The following LPA variants were observed in gnomAD, a reference collection of about 807,000 sequenced individuals.
The protein encoded by LPA is lipoprotein(a).
In LPA, 199 loss-of-function variants were observed where a neutral mutation model predicts 197.9. The ratio of observed to expected loss-of-function variants is 1.01; its 90% CI spans 0.90 to 1.13. LPA has a LOEUF of 1.13. Ranked by LOEUF, LPA falls within the 50% of genes most tolerant of loss-of-function variation. The pLI is 0.00. For missense variants in LPA, 1,853 were observed against 1,785.8 expected (o/e 1.04, Z -0.68); for synonymous variants, 715 against 639.5 (o/e 1.12, Z -1.78).
Position 160,609,286 on chromosome 6 carries a change from T to A in LPA, c.2603+2276A>T, listed in dbSNP as rs150967358. ...TCCAACATGGATGATCTTCAAGGCA[T>A]TTTATTGCTGGATTCAGCATTCTCG... On this transcript the variant is annotated intron_variant, in intron 16 of 38. Coordinates refer to ENST00000316300, the MANE Select transcript of LPA (RefSeq NM_005577.4). 3.2e-4 allele frequency among the ~76,000 whole-genome samples: 49 copies of A among 152,244 alleles called. No individual in the cohort carries two copies. The East Asian group carries it at 8.7e-3, about 27-fold the overall frequency.
At chr6:160,558,208 T>C (rs947798925) in intron 28 of LPA, among the ~76,000 whole-genome samples, 12 of 152,252 alleles carry the variant, frequency 7.9e-5, no homozygotes, top group Non-Finnish European at 1.2e-4. Context: ...TGTGAGCCAC[T>C]GCGCCTGGCC....
chr6:160,586,700 G>A lies in LPA; in HGVS notation c.3948-70C>T, dbSNP rs368057982. The A allele has an allele frequency of 2.4e-5, 39 of 1,606,708 alleles. No individual in the cohort carries two copies. In the East Asian group the frequency reaches 6.5e-4, roughly 27 times the overall value. On this transcript the variant is annotated intron_variant, in intron 24 of 38. Coordinates refer to ENST00000316300, the MANE Select transcript of LPA (RefSeq NM_005577.4). ...TACAGCACCACCTGGCACCCTCTATGTTTTCTTGTAACAAAGTGTAAACAA... is the reference window on the plus strand; with the variant it reads ...TACAGCACCACCTGGCACCCTCTATATTTTCTTGTAACAAAGTGTAAACAA...
chr6:160,658,349 C>T (rs1311472784), intron 1 of LPA, among the ~76,000 whole-genome samples: 1 of 152,186 alleles, frequency 6.6e-6, no homozygotes, highest in African/African-American at 2.4e-5. Flanking sequence ...CAGCTACTCG[C>T]ATGATAACAG....
At position 160,594,113 on chromosome 6, in the gene LPA, T is replaced by C; in HGVS notation, c.3474A>G (p.Pro1158=). 3 of 1,613,860 alleles carry C rather than the reference T, an allele frequency of 1.9e-6. No homozygotes were observed. Among genetic ancestry groups the C allele is most frequent in the South Asian group, 2.2e-5 (2 of 91,070 alleles). ...PSTEASSEEA[P]TEQSPGVQDC... ...CCTGGACCCCGGGGCTTTGCTCCGT[T>C]GGTGCTGAAATTCAAAGAGGAGAAA... is the stretch of plus-strand genomic sequence containing the variant. The change falls in exon 22 of 39, where the codon CCA becomes CCG. Residue 1158 remains proline, a synonymous_variant. Transcript: ENST00000316300.
At chr6:160,538,805 G>A (rs1470894313) in intron 36 of LPA, among the ~76,000 whole-genome samples, 1 of 152,078 alleles carries the variant, frequency 6.6e-6, no homozygotes, top group East Asian at 1.9e-4. Flanking sequence ...GGGGATGTGC[G>A]GTGGGAACTC....
At chr6:160,652,160 G>A (rs924757728) in intron 1 of LPA, among the ~76,000 whole-genome samples, 1 of 150,858 alleles carries the variant, frequency 6.6e-6, no homozygotes, top group African/African-American at 2.4e-5. Flanking sequence ...TAATGGCTAT[G>A]AATTTTACAA....
At chr6:160,576,364 ATACATATATATATATATATATATATG>A (rs1778665237) in intron 28 of LPA, among the ~76,000 whole-genome samples, 2 of 21,154 alleles carry the variant, frequency 9.5e-5, no homozygotes, top group African/African-American at 1.8e-4. Context: ...ATATATATAT[ATACATATATATATATATATATATATG>A]TATATATATA....
At chr6:160,658,220 A>G (rs894710161) in intron 1 of LPA, among the ~76,000 whole-genome samples, 7 of 152,138 alleles carry the variant, frequency 4.6e-5, no homozygotes, top group African/African-American at 1.7e-4. Flanking sequence ...CCTCAGCTTC[A>G]TCAGGGTTCT....
chr6:160,664,170 T>C lies in LPA; in HGVS notation c.45A>G (p.Lys15=). The change falls in exon 1 of 39, where the codon AAA becomes AAG. Residue 15 remains lysine (K), a synonymous_variant. Coordinates refer to ENST00000316300, the MANE Select transcript of LPA (RefSeq NM_005577.4). ...EVVLLLLLFL[K]SAAPEQSHVV... is the part of the protein sequence containing the mutation. ...TTTAAAAAAACTATGTCTTACCTGA[T>C]TTCAGAAATAAAAGAAGTAGAAGAA... 2 of 1,603,922 alleles carry C rather than the reference T, an allele frequency of 1.2e-6. No individual in the cohort carries two copies. The highest frequency in any genetic ancestry group is 1.7e-6 in the Non-Finnish European group (2 of 1,175,370).
chr6:160,581,281 A>C (rs1032166697), intron 26 of LPA, among the ~76,000 whole-genome samples: 3 of 152,048 alleles, frequency 2.0e-5, no homozygotes, highest in African/African-American at 7.2e-5. Context: ...TGTTTTGCCC[A>C]ATACTATGTA....
intron 35 of LPA, 108 bp from the exon 36 acceptor site, chr6:160,540,291 C>A (rs1034815661): frequency 1.4e-5 from 18 of 1,278,828 alleles, no homozygotes; most frequent in Middle Eastern, 2.4e-4. Context: ...CACCCAGAAT[C>A]AGTGACTTAT....
intron 27 of LPA, among the ~76,000 whole-genome samples, chr6:160,578,237 G>A (rs185784912): frequency 6.6e-6 from 1 of 152,206 alleles, no homozygotes; most frequent in Admixed American, 6.5e-5. Context: ...ATCCATTTTG[G>A]CTAGGACACT....
intron 28 of LPA, among the ~76,000 whole-genome samples, chr6:160,566,516 G>A (rs949907769): frequency 1.3e-5 from 2 of 151,984 alleles, no homozygotes; most frequent in African/African-American, 2.4e-5. Flanking sequence ...AGAAACAATC[G>A]GTATCAGCCA....
At chr6:160,561,442 C>A (rs1272623495) in intron 28 of LPA, among the ~76,000 whole-genome samples, 1 of 152,106 alleles carries the variant, frequency 6.6e-6, no homozygotes, top group Admixed American at 6.5e-5. Context: ...GTTTTGGTAC[C>A]AGTACCATAC....
At chr6:160,653,950 TTA>T (rs1554243756) in intron 1 of LPA, among the ~76,000 whole-genome samples, 3 of 40,986 alleles carry the variant, frequency 7.3e-5, no homozygotes, top group Non-Finnish European at 8.7e-5. Context: ...TTTATATATA[TTA>T]TATATAATAT....
chr6:160,597,922 A>G (rs953980674), intron 20 of LPA, among the ~76,000 whole-genome samples: 1 of 152,154 alleles, frequency 6.6e-6, no homozygotes, highest in African/African-American at 2.4e-5. Context: ...AAGAGTGTTG[A>G]GTTTTCTTCT....
rs1351781544 is a variant in LPA, at chr6:160,594,105, T to G, written c.3482A>C (p.Gln1161Pro). The change falls in exon 22 of 39, where the codon CAA becomes CCA. Residue 1161 changes from glutamine (Q) to proline (P), a missense_variant. By Grantham distance (76) the Gln-to-Pro change is moderately conservative. Transcript: ENST00000316300. The stretch of plus-strand genomic sequence containing the variant: ...GTAGCAATCCTGGACCCCGGGGCTT[T>G]GCTCCGTTGGTGCTGAAATTCAAAG... ...EASSEEAPTE[Q>P]SPGVQDCYHG... 6.2e-7 allele frequency: 1 copy of G among 1,613,866 alleles called. No homozygotes were observed. Among genetic ancestry groups the G allele is most frequent in the Non-Finnish European group, 8.5e-7 (1 of 1,179,804 alleles).
At chr6:160,655,120 G>T (rs988234163) in intron 1 of LPA, among the ~76,000 whole-genome samples, 1 of 152,228 alleles carries the variant, frequency 6.6e-6, no homozygotes, top group African/African-American at 2.4e-5. Context: ...TTCATGGCTA[G>T]ATGGGTCAGA....
intron 37 of LPA, among the ~76,000 whole-genome samples, chr6:160,534,709 G>C (rs964040273): frequency 6.6e-6 from 1 of 152,178 alleles, no homozygotes; most frequent in Non-Finnish European, 1.5e-5. Context: ...GCTCCTCCTG[G>C]TCTAGTTGGT....
Sources: gnomAD v4.1 joint callset for allele counts (sites outside exome capture counted in the v4.1 genomes callset) on GRCh38, gnomAD v4.1.1 for gene constraint, MANE v1.5 for transcripts, NCBI Gene and HGNC (gene_info 2026-07-23, HGNC 2026-07-21) for gene names.